The following KCNN2 variants were observed in gnomAD, a reference collection of about 807,000 sequenced individuals.
KCNN2 encodes small conductance calcium-activated potassium channel protein 2.
Under a neutral mutation model 55.5 loss-of-function variants are expected in KCNN2, and 24 were observed. That is an observed-to-expected ratio of 0.43 (90% CI 0.31 to 0.61). The LOEUF is 0.61. Ranked by LOEUF, KCNN2 falls within the 20% of genes least tolerant of loss-of-function variation. The pLI is 0.08. For synonymous variants in KCNN2, 431 were observed against 336.1 expected, an observed-to-expected ratio of 1.28 and a Z score of -3.09; for missense variants, 754 against 853.6, an observed-to-expected ratio of 0.88 and a Z score of 1.45.
intron 2 of KCNN2, among the ~76,000 whole-genome samples, chr5:114,396,837 G>A (rs1294361853): frequency 6.6e-6 from 1 of 152,062 alleles, no homozygotes. Context: ...GAGCCACCAC[G>A]GTCAGCCTAG....
intron 3 of KCNN2, among the ~76,000 whole-genome samples, chr5:114,437,679 A>G (rs1760055932): frequency 6.6e-6 from 1 of 152,206 alleles, no homozygotes; most frequent in East Asian, 1.9e-4. Context: ...ATGTGATCAC[A>G]TAACATACTA....
At chr5:114,398,374 C>T (rs1489381161) in intron 2 of KCNN2, among the ~76,000 whole-genome samples, 1 of 152,048 alleles carries the variant, frequency 6.6e-6, no homozygotes, top group Non-Finnish European at 1.5e-5. Flanking sequence ...CTCTGTATTT[C>T]TGCTCCATTG....
At chr5:114,221,415 C>G (rs545539800) in intron 1 of KCNN2, among the ~76,000 whole-genome samples, 3 of 152,034 alleles carry the variant, frequency 2.0e-5, no homozygotes, top group Non-Finnish European at 4.4e-5. Context: ...CAATACAAAG[C>G]TATTATTTAA....
At chr5:114,089,081 T>C (rs1751082229) in intron 1 of KCNN2, among the ~76,000 whole-genome samples, 1 of 146,688 alleles carries the variant, frequency 6.8e-6, no homozygotes, top group African/African-American at 2.5e-5. Context: ...TTTTATTGAC[T>C]GAAATTTCTG....
At chr5:114,470,780 T>G (rs1468903866) in intron 4 of KCNN2, among the ~76,000 whole-genome samples, 3 of 152,220 alleles carry the variant, frequency 2.0e-5, no homozygotes, top group Admixed American at 6.5e-5. Context: ...AATAGGTTTA[T>G]GGAGTTTGTC....
intron 1 of KCNN2, among the ~76,000 whole-genome samples, chr5:114,146,440 G>A (rs192323285): frequency 2.6e-5 from 4 of 152,218 alleles, no homozygotes; most frequent in East Asian, 3.9e-4. Flanking sequence ...AGGCTGGACC[G>A]TTGTCTGTTT....
intron 2 of KCNN2, among the ~76,000 whole-genome samples, chr5:114,258,985 C>T (rs1387492309): frequency 6.6e-6 from 1 of 152,192 alleles, no homozygotes; most frequent in Non-Finnish European, 1.5e-5. Context: ...AAAAGCCATC[C>T]TCCAGCATAC....
At chr5:114,320,866 G>A (rs929714774) in intron 2 of KCNN2, among the ~76,000 whole-genome samples, 3 of 152,132 alleles carry the variant, frequency 2.0e-5, no homozygotes, top group Non-Finnish European at 4.4e-5. Flanking sequence ...TAACTGTCAA[G>A]TATCCTGTCA....
intron 3 of KCNN2, among the ~76,000 whole-genome samples, chr5:114,436,772 A>G (rs745742950): frequency 2.6e-5 from 4 of 152,196 alleles, no homozygotes; most frequent in Non-Finnish European, 4.4e-5. Flanking sequence ...TCTAAAATCT[A>G]TAGAAGCTTT....
chr5:114,255,998 C>T (rs1388639527), intron 2 of KCNN2, among the ~76,000 whole-genome samples: 1 of 152,080 alleles, frequency 6.6e-6, no homozygotes, highest in Non-Finnish European at 1.5e-5. Context: ...CCATCCCCCT[C>T]CTACTCTCTC....
intron 1 of KCNN2, among the ~76,000 whole-genome samples, chr5:114,076,255 C>T (rs1466165602): frequency 1.3e-5 from 2 of 152,148 alleles, no homozygotes; most frequent in Non-Finnish European, 2.9e-5. Context: ...TAGTTGATGC[C>T]CAAAGGGGCA....
At chr5:114,195,156 T>C (rs756067891) in intron 1 of KCNN2, among the ~76,000 whole-genome samples, 13 of 151,970 alleles carry the variant, frequency 8.6e-5, no homozygotes, top group Non-Finnish European at 7.4e-5. Context: ...TTTTTAAAGA[T>C]TGTTTTGGCT....
rs1304501821 is a variant in KCNN2 at position 114,362,567 on chromosome 5, A to ACGCGCAGCAGTC, written c.441_452dup (p.Gln149_Ala152dup). On this transcript the variant is annotated inframe_insertion, in exon 1 of 8. Coordinates refer to ENST00000673685, the MANE Select transcript of KCNN2 (RefSeq NM_021614.4). The stretch of plus-strand genomic sequence containing the variant: ...CATGCCAGTGCGCTCCGGCAGCAGT[A>ACGCGCAGCAGTC]CGCGCAGCAGTCCGCGCAGCAGTCG... 7.0e-5 allele frequency: 45 copies of ACGCGCAGCAGTC among 643,626 alleles called. No individual in the cohort carries two copies. The East Asian group carries it at 7.6e-4, about 11-fold the overall frequency. 39.9% of individuals were successfully genotyped at this position (643,626 alleles called of 1,614,324 possible).
chr5:114,384,283 C>A (rs529766280), intron 2 of KCNN2, among the ~76,000 whole-genome samples: 1 of 152,272 alleles, frequency 6.6e-6, no homozygotes, highest in African/African-American at 2.4e-5. Flanking sequence ...ACCTTCAATT[C>A]ACCACAGTTG....
At chr5:114,060,100 G>T (rs370826941) in intron 1 of KCNN2, among the ~76,000 whole-genome samples, 14 of 152,190 alleles carry the variant, frequency 9.2e-5, no homozygotes, top group African/African-American at 3.4e-4. Flanking sequence ...TTAGAAAATG[G>T]TTGCTAAGGC....
chr5:114,161,540 T>C (rs1380227092), intron 1 of KCNN2, among the ~76,000 whole-genome samples: 4 of 152,126 alleles, frequency 2.6e-5, no homozygotes, highest in Admixed American at 2.6e-4. Context: ...TGAATTTGAA[T>C]GTTGGCCTGC....
rs149616688 is a variant in KCNN2, at chr5:114,424,028, GA to G, written c.1637+19176del. Among the ~76,000 whole-genome samples the G allele has an allele frequency of 7.3e-3, 1,108 of 152,288 alleles. 13 individuals carry two copies. Among genetic ancestry groups the G allele is most frequent in the African/African-American group, 0.025 (1,044 of 41,560 alleles). On this transcript the variant is annotated intron_variant, in intron 3 of 7. Coordinates refer to ENST00000673685, the MANE Select transcript of KCNN2 (RefSeq NM_021614.4). ...AAGCTAAATTGGAACTGATGCATGGGAAAATACGGAGTCTGGATTTTAGTCC... is the reference window on the plus strand; with the variant it reads ...AAGCTAAATTGGAACTGATGCATGGGAAATACGGAGTCTGGATTTTAGTCC...
At chr5:114,165,209 C>A (rs1279058985) in intron 1 of KCNN2, among the ~76,000 whole-genome samples, 1 of 152,056 alleles carries the variant, frequency 6.6e-6, no homozygotes, top group East Asian at 1.9e-4. Flanking sequence ...GTGCCTGTGC[C>A]TCTTGCTTCC....
At chr5:114,215,360 G>C (rs1442132617) in intron 1 of KCNN2, among the ~76,000 whole-genome samples, 4 of 152,030 alleles carry the variant, frequency 2.6e-5, no homozygotes, top group African/African-American at 9.7e-5. Flanking sequence ...TAGTAAGCTG[G>C]GAGTAAGAAA....
Sources: allele counts gnomAD v4.1 joint callset (sites outside exome capture counted in the v4.1 genomes callset), GRCh38; gene constraint gnomAD v4.1.1; transcripts MANE v1.5; gene names NCBI Gene and HGNC (gene_info 2026-07-23, HGNC 2026-07-21).